DLG2: variants seen among roughly 807,000 people sequenced by gnomAD.
DLG2 encodes the protein disks large homolog 2.
A neutral mutation model predicts 132.5 loss-of-function variants in DLG2; 45 were observed. The observed-to-expected ratio is 0.34, with a 90% CI of 0.27 to 0.44. DLG2 has a LOEUF of 0.44. DLG2 is among the 20% of genes least tolerant of loss of function. The pLI is 1.00. For synonymous variants in DLG2, 424 were observed against 419.6 expected (o/e 1.01, Z -0.13); for missense variants, 1,045 against 1,196.9 (o/e 0.87, Z 1.87).
chr11:84,847,338 G>C (rs1448375357), intron 6 of DLG2, among the ~76,000 whole-genome samples: 1 of 152,114 alleles, frequency 6.6e-6, no homozygotes, highest in African/African-American at 2.4e-5. Context: ...ATTATCTCTT[G>C]CATTAACATG....
chr11:83,585,922 A>C (rs563208416), intron 19 of DLG2, among the ~76,000 whole-genome samples: 1 of 152,224 alleles, frequency 6.6e-6, no homozygotes, highest in Non-Finnish European at 1.5e-5. Flanking sequence ...CCTGAAGAAA[A>C]AAGAGAAGAG....
intron 7 of DLG2, among the ~76,000 whole-genome samples, chr11:84,506,984 C>T (rs1176191346): frequency 1.3e-5 from 2 of 152,162 alleles, no homozygotes; most frequent in Non-Finnish European, 2.9e-5. Context: ...ATTTTCTGCT[C>T]ATTGTATAAT....
At chr11:83,548,948 A>G (rs1447311069) in intron 19 of DLG2, among the ~76,000 whole-genome samples, 1 of 152,144 alleles carries the variant, frequency 6.6e-6, no homozygotes, top group Non-Finnish European at 1.5e-5. Flanking sequence ...AAGTCTCAGC[A>G]CAGAGTTTTC....
At chr11:84,011,406 A>C (rs2094884003) in intron 11 of DLG2, among the ~76,000 whole-genome samples, 1 of 151,988 alleles carries the variant, frequency 6.6e-6, no homozygotes, top group South Asian at 2.1e-4. Flanking sequence ...GGGAGGTAAA[A>C]GCTGCAGTGA....
intron 7 of DLG2, among the ~76,000 whole-genome samples, chr11:84,372,712 A>C (rs1215536752): frequency 1.3e-5 from 2 of 152,326 alleles, no homozygotes; most frequent in African/African-American, 4.8e-5. Context: ...TTCTGTTAGT[A>C]GTGCATCTCG....
rs185732417 is a variant in DLG2 at position 85,238,272 on chromosome 11, C to T, written c.186+46948G>A. On this transcript the variant is annotated intron_variant, in intron 4 of 27. Coordinates refer to ENST00000376104, the MANE Select transcript of DLG2 (RefSeq NM_001142699.3). ...TTATTTATTTATTTTGAGACAGAGT[C>T]TTGCTTTGTTGCCCAGGCTGGAATG... 4.0e-3 allele frequency among the ~76,000 whole-genome samples: 587 copies of T among 148,594 alleles called. 7 individuals are homozygous for T. The highest frequency in any genetic ancestry group is 0.013 in the African/African-American group (507 of 40,308).
At chr11:84,294,063 T>C (rs569493073) in intron 7 of DLG2, among the ~76,000 whole-genome samples, 1 of 152,236 alleles carries the variant, frequency 6.6e-6, no homozygotes, top group East Asian at 1.9e-4. Flanking sequence ...GATAATACAG[T>C]ACACCATTCA....
At chr11:85,337,571 A>G (rs143044136) in intron 3 of DLG2, among the ~76,000 whole-genome samples, 1 of 152,344 alleles carries the variant, frequency 6.6e-6, no homozygotes, top group African/African-American at 2.4e-5. Flanking sequence ...CTTAGGTAAC[A>G]CAAAAAATTC....
intron 3 of DLG2, among the ~76,000 whole-genome samples, chr11:85,407,275 G>T (rs181441168): frequency 6.6e-6 from 1 of 151,736 alleles, no homozygotes; most frequent in African/African-American, 2.4e-5. Flanking sequence ...CATGTTAAAA[G>T]GTAGTAAAGG....
At chr11:83,597,273 A>G (rs1339354638) in intron 19 of DLG2, among the ~76,000 whole-genome samples, 4 of 152,064 alleles carry the variant, frequency 2.6e-5, no homozygotes, top group African/African-American at 4.8e-5. Context: ...AGAGTGGGAT[A>G]TATCTCTAAT....
At chr11:83,620,863 C>T (rs1282944092) in intron 19 of DLG2, among the ~76,000 whole-genome samples, 1 of 83,526 alleles carries the variant, frequency 1.2e-5, no homozygotes, top group Non-Finnish European at 1.9e-5. Flanking sequence ...GAGCGAGACT[C>T]CGTCTCAAAA....
chr11:84,415,625 T>G (rs754761416), intron 7 of DLG2, among the ~76,000 whole-genome samples: 1 of 152,160 alleles, frequency 6.6e-6, no homozygotes, highest in South Asian at 2.1e-4. Flanking sequence ...AAAGTGGAGA[T>G]TTGTCATAGG....
At chr11:84,438,019 G>C (rs1395041978) in intron 7 of DLG2, among the ~76,000 whole-genome samples, 1 of 152,178 alleles carries the variant, frequency 6.6e-6, no homozygotes, top group Admixed American at 6.5e-5. Flanking sequence ...CCAGGCAAGG[G>C]GAGAGGCAGA....
At chr11:85,135,933 T>C (rs1566919544) in intron 5 of DLG2, among the ~76,000 whole-genome samples, 1 of 152,108 alleles carries the variant, frequency 6.6e-6, no homozygotes, top group African/African-American at 2.4e-5. Context: ...TAACCCAGAA[T>C]GGAGCAGTGA....
chr11:85,170,837 G>A (rs2078807892), intron 4 of DLG2, among the ~76,000 whole-genome samples: 1 of 152,010 alleles, frequency 6.6e-6, no homozygotes, highest in Admixed American at 6.6e-5. Flanking sequence ...TGATGTTTGT[G>A]CTGTGTGCTG....
intron 7 of DLG2, among the ~76,000 whole-genome samples, chr11:84,262,855 A>T (rs1282759504): frequency 6.6e-6 from 1 of 152,182 alleles, no homozygotes; most frequent in Admixed American, 6.5e-5. Context: ...AATGCTGTTA[A>T]TTCATTCCTT....
At chr11:84,649,020 T>A (rs2099678388) in intron 6 of DLG2, among the ~76,000 whole-genome samples, 2 of 152,206 alleles carry the variant, frequency 1.3e-5, no homozygotes, top group South Asian at 4.1e-4. Context: ...GAATAAAATG[T>A]GAATTTTTAC....
chr11:85,115,625 T>C (rs2073456207), intron 5 of DLG2, among the ~76,000 whole-genome samples: 1 of 151,876 alleles, frequency 6.6e-6, no homozygotes, highest in Non-Finnish European at 1.5e-5. Context: ...AAGGTGGAAG[T>C]ATTTAACTCT....
intron 6 of DLG2, among the ~76,000 whole-genome samples, chr11:84,693,536 A>G (rs1472829546): frequency 6.6e-6 from 1 of 151,732 alleles, no homozygotes; most frequent in African/African-American, 2.4e-5. Context: ...TCTCCATAAC[A>G]GCATATCCAC....
Sources: gnomAD v4.1 joint callset for allele counts (sites outside exome capture counted in the v4.1 genomes callset) on GRCh38, gnomAD v4.1.1 for gene constraint, MANE v1.5 for transcripts, NCBI Gene and HGNC (gene_info 2026-07-23, HGNC 2026-07-21) for gene names.